The following MAP3K13 variants were observed in gnomAD, a reference collection of about 807,000 sequenced individuals.
The protein encoded by MAP3K13 is leucine zipper-bearing kinase.
Under a neutral mutation model 104.0 loss-of-function variants are expected in MAP3K13, and 52 were observed. That is an observed-to-expected ratio of 0.50 (90% CI 0.40 to 0.63). MAP3K13 has a LOEUF of 0.63. MAP3K13 is among the 20% of genes least tolerant of loss of function. MAP3K13 has a pLI of 0.00. For missense variants in MAP3K13, 914 were observed against 1,218.5 expected (o/e 0.75, Z 3.72); for synonymous variants, 394 against 442.2 (o/e 0.89, Z 1.37).
intron 12 of MAP3K13, among the ~76,000 whole-genome samples, chr3:185,479,008 G>C (rs1470042026): frequency 6.6e-6 from 1 of 152,134 alleles, no homozygotes; most frequent in Non-Finnish European, 1.5e-5. Context: ...GTGTAAGCTA[G>C]TAACATCCTT....
chr3:185,328,240 C>T (rs193118533), intron 2 of MAP3K13, among the ~76,000 whole-genome samples: 1 of 152,044 alleles, frequency 6.6e-6, no homozygotes, highest in Non-Finnish European at 1.5e-5. Flanking sequence ...TGGGGGAGGA[C>T]TATAGTGGAG....
chr3:185,461,550 A>C (rs1717103175), intron 7 of MAP3K13, among the ~76,000 whole-genome samples: 1 of 151,884 alleles, frequency 6.6e-6, no homozygotes. Context: ...ACTGTCTTTT[A>C]TTTTATTTTA....
chr3:185,478,006 G>A (rs1718227713), intron 12 of MAP3K13, among the ~76,000 whole-genome samples: 1 of 152,134 alleles, frequency 6.6e-6, no homozygotes, highest in Non-Finnish European at 1.5e-5. Flanking sequence ...ACCCTATCTA[G>A]AGGGTCTATC....
chr3:185,302,115 A>G (rs1278951455), intron 2 of MAP3K13, among the ~76,000 whole-genome samples: 1 of 152,214 alleles, frequency 6.6e-6, no homozygotes, highest in African/African-American at 2.4e-5. Flanking sequence ...TTTTAATAAT[A>G]AGTCTTGCCA....
chr3:185,480,604 A>G, intron 13 of MAP3K13, 75 bp downstream of exon 13: 1 of 1,446,956 alleles, frequency 6.9e-7, no homozygotes, highest in Non-Finnish European at 9.3e-7. Context: ...TAGGGCCTTT[A>G]CAATTTTCAT....
chr3:185,364,926 G>A (rs569222492), intron 1 of MAP3K13, among the ~76,000 whole-genome samples: 1 of 152,206 alleles, frequency 6.6e-6, no homozygotes, highest in East Asian at 1.9e-4. Context: ...AGAGTTTGTT[G>A]AAAGTAGCAA....
In MAP3K13 at chr3:185,288,540, G is replaced by GTGTGTGTGTGTGTA. The variant is rs1437773195; in HGVS notation, c.-86+2898_-86+2899insGTGTGTGTGTGTAT. On this transcript the variant is annotated intron_variant, in intron 2 of 14. Coordinates refer to the MAP3K13 transcript ENST00000424227. ...AGAATATGTGTGTGTGTGTTTGTGT[G>GTGTGTGTGTGTGTA]TATATATATATTCCAGAAAACCAGA... Among the ~76,000 whole-genome samples the GTGTGTGTGTGTGTA allele has an allele frequency of 7.8e-3, 1,100 of 140,168 alleles. 18 individuals are homozygous for GTGTGTGTGTGTGTA. The highest frequency in any genetic ancestry group is 0.026 in the African/African-American group (1,044 of 39,950). 92.0% of individuals were successfully genotyped at this position (140,168 alleles called of 152,430 possible). A position where few individuals can be genotyped will look rare whatever the true frequency, so the allele number is the denominator to read the frequency against.
At chr3:185,476,756 T>G (rs1718155308) in intron 11 of MAP3K13, among the ~76,000 whole-genome samples, 1 of 152,152 alleles carries the variant, frequency 6.6e-6, no homozygotes, top group Non-Finnish European at 1.5e-5. Flanking sequence ...CAAACAATAA[T>G]TATATATATT....
intron 2 of MAP3K13, among the ~76,000 whole-genome samples, chr3:185,335,741 A>G (rs1722478123): frequency 6.6e-6 from 1 of 152,178 alleles, no homozygotes; most frequent in Non-Finnish European, 1.5e-5. Flanking sequence ...AATCATTGTT[A>G]TACTTTATTA....
intron 2 of MAP3K13, among the ~76,000 whole-genome samples, chr3:185,308,678 A>G (rs1360710276): frequency 6.6e-6 from 1 of 152,156 alleles, no homozygotes; most frequent in Non-Finnish European, 1.5e-5. Context: ...TTCCACATCA[A>G]GCTGGACAGT....
At chr3:185,297,730 G>A (rs868389361) in intron 2 of MAP3K13, among the ~76,000 whole-genome samples, 120 of 83,570 alleles carry the variant, frequency 1.4e-3, no homozygotes, top group Middle Eastern at 9.8e-3. Context: ...GTGAGACTCC[G>A]TCTCAAAAAA....
chr3:185,383,097 T>G (rs1424869449), intron 1 of MAP3K13, among the ~76,000 whole-genome samples: 5 of 132,156 alleles, frequency 3.8e-5, no homozygotes, highest in Admixed American at 1.6e-4. Flanking sequence ...CACCTATGAG[T>G]GAGAATATGC....
At position 185,428,795 on chromosome 3, in the gene MAP3K13, G is replaced by GT; in HGVS notation, c.215dup (p.Ser73LysfsTer2). On this transcript the variant is annotated frameshift_variant, in exon 2 of 14. Transcript: ENST00000265026. LOFTEE classifies it high-confidence loss of function. ...CGTCACCACAACAGTGTTGACGAGCGTAAGTGAGGATTCCAGGGACCAGTT... is the reference window on the plus strand; with the variant it reads ...CGTCACCACAACAGTGTTGACGAGCGTTAAGTGAGGATTCCAGGGACCAGTT... 3 of 1,614,118 alleles carry GT rather than the reference G, an allele frequency of 1.9e-6. No individual in the cohort carries two copies. Among genetic ancestry groups the GT allele is most frequent in the Non-Finnish European group, 2.5e-6 (3 of 1,180,016 alleles).
intron 2 of MAP3K13, chr3:185,328,705 C>G (rs1017770521): frequency 1.3e-5 from 2 of 152,340 alleles, no homozygotes; most frequent in African/African-American, 4.8e-5. Context: ...TCCTTATAAT[C>G]TTCCTTACAT....
chr3:185,332,163 TG>T (rs1212150059), intron 2 of MAP3K13, among the ~76,000 whole-genome samples: 3 of 152,178 alleles, frequency 2.0e-5, no homozygotes, highest in African/African-American at 4.8e-5. Flanking sequence ...GTAGAATTAC[TG>T]GATCAAAAGG....
chr3:185,433,763 A>G (rs955774923), intron 2 of MAP3K13, among the ~76,000 whole-genome samples: 3 of 152,220 alleles, frequency 2.0e-5, no homozygotes, highest in African/African-American at 7.2e-5. Flanking sequence ...AGGTTGGTAG[A>G]GGATAATTTT....
At chr3:185,377,523 G>A (rs1289434371) in intron 1 of MAP3K13, among the ~76,000 whole-genome samples, 2 of 152,190 alleles carry the variant, frequency 1.3e-5, no homozygotes, top group East Asian at 3.8e-4. Context: ...GACCTAATAA[G>A]GGAGCTGGGC....
At chr3:185,350,452 G>A (rs924992815) in intron 2 of MAP3K13, among the ~76,000 whole-genome samples, 7 of 152,196 alleles carry the variant, frequency 4.6e-5, no homozygotes, top group African/African-American at 1.7e-4. Flanking sequence ...ATCCCAAAGC[G>A]CTGGGATTAC....
chr3:185,378,598 C>T lies in MAP3K13; in HGVS notation c.-86+15230C>T, dbSNP rs540360457. Among the ~76,000 whole-genome samples, 416 of 151,796 alleles carry T rather than the reference C, an allele frequency of 2.7e-3. 2 individuals carry two copies. Among genetic ancestry groups the T allele is most frequent in the African/African-American group, 9.4e-3 (389 of 41,346 alleles). ...AGAATTGGGACCTGGCTTGGCCTGG[C>T]GAGGAGCAGCCTGGGGAGAAGGGGA... On this transcript the variant is annotated intron_variant, in intron 1 of 13. Transcript: ENST00000265026.
Sources: gnomAD v4.1 joint callset for allele counts (sites outside exome capture counted in the v4.1 genomes callset) on GRCh38, gnomAD v4.1.1 for gene constraint, MANE v1.5 for transcripts, NCBI Gene and HGNC (gene_info 2026-07-23, HGNC 2026-07-21) for gene names.